PLCL2: variants seen among roughly 807,000 people sequenced by gnomAD.
The protein encoded by PLCL2 is phospholipase C like 2.
PLCL2 carries 4 observed loss-of-function variants against 79.6 expected under a neutral mutation model. The ratio of observed to expected loss-of-function variants is 0.05; its 90% CI spans 0.02 to 0.11. The LOEUF (loss-of-function observed/expected upper bound fraction) is 0.11, where lower values mean the gene tolerates loss of function less well. Ranked by LOEUF, PLCL2 falls within the 10% of genes least tolerant of loss-of-function variation. The pLI, the probability that PLCL2 is intolerant of heterozygous loss-of-function variation, is 1.00. For synonymous variants in PLCL2, 484 were observed against 457.7 expected (o/e 1.06, Z -0.73); for missense variants, 895 against 1,291.0 (o/e 0.69, Z 4.70).
chr3:16,957,872 A>G (rs902234041), intron 1 of PLCL2, among the ~76,000 whole-genome samples: 1 of 151,462 alleles, frequency 6.6e-6, no homozygotes, highest in Non-Finnish European at 1.5e-5. Context: ...TTTGTTTTCC[A>G]TTTGCTTGGT....
intron 4 of PLCL2, among the ~76,000 whole-genome samples, chr3:17,054,253 C>T (rs1333167916): frequency 6.6e-6 from 1 of 152,102 alleles, no homozygotes; most frequent in Non-Finnish European, 1.5e-5. Context: ...GCAAAAGTGA[C>T]CTCTACTCCA....
chr3:16,936,974 G>A (rs1001061617), intron 1 of PLCL2, among the ~76,000 whole-genome samples: 1 of 152,020 alleles, frequency 6.6e-6, no homozygotes, highest in African/African-American at 2.4e-5. Context: ...CGGGGTGAGC[G>A]GGGGCTCTCG....
intron 5 of PLCL2, among the ~76,000 whole-genome samples, chr3:17,076,058 G>A (rs1307373007): frequency 6.6e-6 from 1 of 152,130 alleles, no homozygotes; most frequent in African/African-American, 2.4e-5. Flanking sequence ...GGGTCACATG[G>A]CAAATGTGTG....
At chr3:17,067,582 G>A (rs940262400) in intron 4 of PLCL2, among the ~76,000 whole-genome samples, 1 of 152,152 alleles carries the variant, frequency 6.6e-6, no homozygotes, top group Non-Finnish European at 1.5e-5. Flanking sequence ...CCTCAGTGGA[G>A]CTTAAATCTG....
At chr3:17,033,911 G>A (rs1418629376) in intron 3 of PLCL2, among the ~76,000 whole-genome samples, 3 of 151,992 alleles carry the variant, frequency 2.0e-5, no homozygotes, top group Non-Finnish European at 4.4e-5. Context: ...TTAGTGTTGT[G>A]CCCCTAACCC....
intron 3 of PLCL2, among the ~76,000 whole-genome samples, chr3:17,029,380 G>A (rs6797029): frequency 0.6 from 91,177 of 151,530 alleles, 28,039 homozygotes; most frequent in African/African-American, 0.73. Context: ...AAAAACAACT[G>A]TATAGAAGAG....
In PLCL2 at chr3:17,042,941, A is replaced by G; in HGVS notation, c.3086A>G (p.Gln1029Arg). ...GTATATGAAAAGATCGTACATTGTCAGAAGGCAGGTAAGTGAAAGTTTGTT... is the reference window on the plus strand; with the variant it reads ...GTATATGAAAAGATCGTACATTGTCGGAAGGCAGGTAAGTGAAAGTTTGTT... ...DAVYEKIVHC[Q>R]KAAMEFHEHL... The change falls in exon 4 of 6, where the codon CAG (glutamine) becomes CGG (arginine). Residue 1029 changes from glutamine (Q) to arginine (R), a missense_variant. By Grantham distance (43) the Gln-to-Arg change is conservative. Transcript: ENST00000615277. The G allele has an allele frequency of 6.2e-7, 1 of 1,607,382 alleles. No individual in the cohort carries two copies. Among genetic ancestry groups the G allele is most frequent in the Non-Finnish European group, 8.5e-7 (1 of 1,174,040 alleles).
intron 1 of PLCL2, among the ~76,000 whole-genome samples, chr3:16,934,096 T>C (rs919215856): frequency 1.1e-4 from 17 of 152,046 alleles, no homozygotes; most frequent in African/African-American, 4.1e-4. Flanking sequence ...TCTTGGTGTA[T>C]GAATAAGGAA....
intron 1 of PLCL2, among the ~76,000 whole-genome samples, chr3:16,918,043 C>T (rs1281038416): frequency 6.6e-6 from 1 of 152,106 alleles, no homozygotes; most frequent in African/African-American, 2.4e-5. Context: ...TGAATATCCC[C>T]CTTTTTACCT....
chr3:17,060,484 A>G (rs1156492017), intron 4 of PLCL2, among the ~76,000 whole-genome samples: 1 of 152,224 alleles, frequency 6.6e-6, no homozygotes, highest in East Asian at 1.9e-4. Context: ...CTGAAAAGCA[A>G]TTAGGCATTT....
intron 5 of PLCL2, among the ~76,000 whole-genome samples, chr3:17,073,514 G>A (rs1312328542): frequency 6.6e-6 from 1 of 152,116 alleles, no homozygotes; most frequent in South Asian, 2.1e-4. Flanking sequence ...GTGGCTTGTG[G>A]CAATTTCTTA....
In PLCL2 at chr3:16,999,069, A is replaced by G. The variant is rs1266990650; in HGVS notation, c.328-10605A>G. ...GGAGATTATGGGGATCATTGCTTCA[A>G]ATTTGTACTCTTATGTGAATACTTA... On this transcript the variant is annotated intron_variant, in intron 1 of 5. Transcript: ENST00000615277. 2.0e-5 allele frequency among the ~76,000 whole-genome samples: 3 copies of G among 152,282 alleles called. No individual in the cohort carries two copies. In the East Asian group the frequency reaches 5.8e-4, roughly 29 times the overall value.
intron 4 of PLCL2, among the ~76,000 whole-genome samples, chr3:17,049,329 G>A (rs551186663): frequency 6.6e-6 from 1 of 152,306 alleles, no homozygotes; most frequent in African/African-American, 2.4e-5. Context: ...AGCAGCTTCT[G>A]TCAACCAGCA....
intron 1 of PLCL2, among the ~76,000 whole-genome samples, chr3:16,930,732 T>C (rs1697373265): frequency 6.6e-6 from 1 of 152,206 alleles, no homozygotes; most frequent in Non-Finnish European, 1.5e-5. Flanking sequence ...TATTTTCTTA[T>C]GCTTTGTGGA....
intron 1 of PLCL2, among the ~76,000 whole-genome samples, chr3:16,891,254 A>G (rs1160556966): frequency 6.6e-6 from 1 of 152,342 alleles, no homozygotes; most frequent in East Asian, 1.9e-4. Flanking sequence ...CTGTATGTCC[A>G]GTTACTCCAT....
At chr3:16,909,737 T>A (rs1310791553) in intron 1 of PLCL2, among the ~76,000 whole-genome samples, 2 of 152,226 alleles carry the variant, frequency 1.3e-5, no homozygotes, top group Non-Finnish European at 2.9e-5. Context: ...CAGAGAGATA[T>A]CAAAAATAAT....
chr3:17,004,809 AAG>A (rs1415593319), intron 1 of PLCL2, among the ~76,000 whole-genome samples: 1 of 152,088 alleles, frequency 6.6e-6, no homozygotes, highest in Non-Finnish European at 1.5e-5. Context: ...TGTTGTGTAA[AAG>A]AGAAATTTTT....
In PLCL2 at chr3:17,037,467, A is replaced by G. The variant is rs926632979; in HGVS notation, c.3019-5407A>G. Among the ~76,000 whole-genome samples the G allele has an allele frequency of 3.9e-5, 6 of 152,326 alleles. No individual in the cohort carries two copies. In the South Asian group the frequency reaches 1.2e-3, roughly 32 times the overall value. ...ATCATAGAATCCATGTGAAAGAACA[A>G]AGTTTTTTTACTGTCTAGCCTTTTT... On this transcript the variant is annotated intron_variant, in intron 3 of 5. Transcript: ENST00000615277.
intron 1 of PLCL2, among the ~76,000 whole-genome samples, chr3:16,971,627 A>G (rs2063869322): frequency 1.3e-5 from 2 of 152,136 alleles, no homozygotes; most frequent in Admixed American, 1.3e-4. Context: ...TGAATCTATA[A>G]ATTACCTTGG....
Sources: allele counts gnomAD v4.1 joint callset (sites outside exome capture counted in the v4.1 genomes callset), GRCh38; gene constraint gnomAD v4.1.1; transcripts MANE v1.5; gene names NCBI Gene and HGNC (gene_info 2026-07-23, HGNC 2026-07-21).